The following HEATR1 variants were observed in gnomAD, a reference collection of about 807,000 sequenced individuals.
The protein encoded by HEATR1 is HEAT repeat-containing protein 1.
In HEATR1, 77 loss-of-function variants were observed where a neutral mutation model predicts 248.2. The ratio of observed to expected loss-of-function variants is 0.31; its 90% CI spans 0.26 to 0.37. The LOEUF is 0.37. HEATR1 is among the 10% of genes least tolerant of loss of function. The probability of loss-of-function intolerance (pLI) is 1.00; values close to 1 mark genes in which losing one functional copy is unlikely to be tolerated. For missense variants in HEATR1, 2,420 were observed against 2,504.9 expected (o/e 0.97, Z 0.72); for synonymous variants, 897 against 923.1 (o/e 0.97, Z 0.51).
At chr1:236,599,804 C>T (rs965300251) in intron 3 of HEATR1, among the ~76,000 whole-genome samples, 180 bp from the exon 4 acceptor site, 3 of 152,188 alleles carry the variant, frequency 2.0e-5, no homozygotes, top group Non-Finnish European at 2.9e-5. Flanking sequence ...ATTCACATAT[C>T]CCTCAACATG....
chr1:236,602,186 A>G (rs1320123230), intron 3 of HEATR1, among the ~76,000 whole-genome samples: 1 of 152,190 alleles, frequency 6.6e-6, no homozygotes, highest in Admixed American at 6.5e-5. Context: ...AAAAATGTGT[A>G]TGCTGTGATG....
chr1:236,573,977 C>T lies in HEATR1; in HGVS notation c.3459+225G>A, dbSNP rs1412461678. 8.6e-6 allele frequency: 3 copies of T among 349,436 alleles called. No homozygotes were observed. In the East Asian group the frequency reaches 1.6e-4, roughly 18 times the overall value. The allele number at this position is 349,436 out of a possible 1,614,324, so 21.6% of individuals were successfully genotyped here. A position where few individuals can be genotyped will look rare whatever the true frequency, so the allele number is the denominator to read the frequency against. ...CACACACACACATATTCCTACACAT[C>T]CTATCTGGTTAAAATTATCAACAAA... On this transcript the variant is annotated intron_variant, in intron 24 of 44. Coordinates refer to ENST00000366582, the MANE Select transcript of HEATR1 (RefSeq NM_018072.6).
At chr1:236,594,262 C>T (rs1558191670) in intron 8 of HEATR1, 148 bp from the exon 9 acceptor site, 2 of 537,338 alleles carry the variant, frequency 3.7e-6, no homozygotes, top group Non-Finnish European at 6.5e-6. Context: ...GTGCATTCCA[C>T]TTATTTAGTC....
chr1:236,582,271 A>AC (rs1553283997), intron 19 of HEATR1, among the ~76,000 whole-genome samples: 2 of 151,188 alleles, frequency 1.3e-5, no homozygotes, highest in Admixed American at 6.6e-5. Context: ...CACCCGGCTA[A>AC]TTTTTTTTGT....
At position 236,586,327 on chromosome 1, in the gene HEATR1, G is replaced by A. The variant is rs141140258; in HGVS notation, c.1841C>T (p.Thr614Met). 284 of 1,613,038 alleles carry A rather than the reference G, an allele frequency of 1.8e-4. No homozygotes were observed. Among genetic ancestry groups the A allele is most frequent in the Middle Eastern group, 5.0e-4 (3 of 6,038 alleles). Residue 614 changes from threonine to methionine, a missense_variant, in exon 15 of 45, where the codon ACG (threonine) becomes ATG (methionine). Transcript: ENST00000366582. ...AGCAATTTTCATCTCAGCAGATTCC[G>A]TATCATCATTATTGATAACCATAAA... ...LPFMVINNDD[T>M]ESAEMKIAIY...
intron 6 of HEATR1, among the ~76,000 whole-genome samples, chr1:236,596,295 C>G (rs191388319): frequency 3.5e-4 from 53 of 152,298 alleles, no homozygotes; most frequent in Non-Finnish European, 1.5e-5. Context: ...CATGTCCTGA[C>G]AGGAGCCAGT....
chr1:236,592,034 G>A lies in HEATR1; in HGVS notation c.1381C>T (p.His461Tyr), dbSNP rs746047994. 3.1e-6 allele frequency: 5 copies of A among 1,606,974 alleles called. No individual in the cohort carries two copies. In the East Asian group the frequency reaches 1.1e-4, roughly 36 times the overall value. ...IADLKKQELF[H>Y]QFVSLSTSGG... Reference sequence around the variant, plus strand: ...CTTGTAGAAAGAGAAACAAACTGATGGAAAAGCTCTTGTTTTTTCAGATCT... The same window carrying A: ...CTTGTAGAAAGAGAAACAAACTGATAGAAAAGCTCTTGTTTTTTCAGATCT... The change falls in exon 11 of 45, where the codon CAT becomes TAT. Residue 461 changes from histidine to tyrosine, a missense_variant. Transcript: ENST00000366582.
intron 6 of HEATR1, among the ~76,000 whole-genome samples, chr1:236,596,521 G>A (rs1664180639): frequency 1.3e-5 from 2 of 152,168 alleles, no homozygotes; most frequent in Non-Finnish European, 2.9e-5. Context: ...AGAATACTGA[G>A]AGGTTGCTTA....
At chr1:236,576,117 G>A (rs1410621482) in intron 22 of HEATR1, 102 bp downstream of exon 22, 8 of 832,010 alleles carry the variant, frequency 9.6e-6, no homozygotes, top group Middle Eastern at 2.4e-4. Context: ...TCTTCTGAGC[G>A]CACACATGCA....
intron 43 of HEATR1, 134 bp downstream of exon 43, chr1:236,553,447 C>G: frequency 4.3e-6 from 4 of 925,404 alleles, no homozygotes; most frequent in Non-Finnish European, 3.2e-6. Context: ...GACCGGACCT[C>G]TAGTACTGGA....
Position 236,562,039 on chromosome 1 carries a change from T to C in HEATR1, c.4600-768A>G, listed in dbSNP as rs1384603889. Among the ~76,000 whole-genome samples, 4 of 152,190 alleles carry C rather than the reference T, an allele frequency of 2.6e-5. No homozygotes were observed. The East Asian group carries it at 7.7e-4, about 29-fold the overall frequency. ...GGATCCTGCCAATTGCTTTCTAAAG[T>C]GGTTGGAACAATCACACTGTCTGCC... On this transcript the variant is annotated intron_variant, in intron 32 of 44. Transcript: ENST00000366582.
Position 236,597,934 on chromosome 1 carries a change from A to G in HEATR1, c.547T>C (p.Tyr183His). The change falls in exon 5 of 45, where the codon TAC (tyrosine) becomes CAC (histidine). Residue 183 changes from tyrosine (Y) to histidine (H), a missense_variant. Coordinates refer to ENST00000366582, the MANE Select transcript of HEATR1 (RefSeq NM_018072.6). ...AAATCCATGAATCCAAGATCTTTGT[A>G]GCAGTGGGTAATCAAAGTTCCTTTA... ...LAKGTLITHC[Y>H]KDLGFMDFIC... 1 of 1,613,876 alleles carries G rather than the reference A, an allele frequency of 6.2e-7. No homozygotes were observed. Among genetic ancestry groups the G allele is most frequent in the Middle Eastern group, 1.7e-4 (1 of 6,060 alleles).
Position 236,585,139 on chromosome 1 carries a change from A to G in HEATR1, c.2127T>C (p.Ser709=). The part of the protein sequence containing the change: ...KQKVTFHVIL[S]VLVSCCSSLK... The stretch of plus-strand genomic sequence containing the variant: ...AAGATGAACAACAAGAGACGAGCAC[A>G]GACAGGATCACATGAAACGTTACTT... Residue 709 remains serine (S), a synonymous_variant, in exon 17 of 45, where the codon TCT becomes TCC. Coordinates refer to ENST00000366582, the MANE Select transcript of HEATR1 (RefSeq NM_018072.6). The G allele has an allele frequency of 1.2e-6, 2 of 1,614,134 alleles. No individual in the cohort carries two copies. The highest frequency in any genetic ancestry group is 1.7e-6 in the Non-Finnish European group (2 of 1,179,964).
At chr1:236,557,081 C>T in intron 37 of HEATR1, 114 bp downstream of exon 37, 1 of 1,068,240 alleles carries the variant, frequency 9.4e-7, no homozygotes, top group Non-Finnish European at 1.3e-6. Flanking sequence ...AGAAATAAGA[C>T]TCCTTTCTGT....
chr1:236,563,451 T>C (rs1441669991), intron 32 of HEATR1, among the ~76,000 whole-genome samples: 1 of 151,922 alleles, frequency 6.6e-6, no homozygotes. Context: ...CCGGCTAATT[T>C]TTTGTATTTT....
At chr1:236,573,725 G>T (rs975144162) in intron 24 of HEATR1, among the ~76,000 whole-genome samples, 2 of 152,008 alleles carry the variant, frequency 1.3e-5, no homozygotes, top group Admixed American at 6.6e-5. Flanking sequence ...CTAGAACTTT[G>T]TATTATTCTA....
At chr1:236,552,920 AAT>A (rs1217997212) in intron 43 of HEATR1, 1 of 152,248 alleles carries the variant, frequency 6.6e-6, no homozygotes, top group African/African-American at 2.4e-5. Flanking sequence ...GGTTCATCAT[AAT>A]AGTCTCATTG....
chr1:236,595,056 G>A (rs572125609), intron 8 of HEATR1, among the ~76,000 whole-genome samples: 5 of 122,702 alleles, frequency 4.1e-5, no homozygotes, highest in Admixed American at 3.5e-4. Flanking sequence ...GAGCCACCTG[G>A]CCCTCTAATT....
At chr1:236,583,562 C>T (rs1231571623) in intron 17 of HEATR1, among the ~76,000 whole-genome samples, 1 of 149,288 alleles carries the variant, frequency 6.7e-6, no homozygotes, top group Admixed American at 6.7e-5. Flanking sequence ...TCTCAGCTCA[C>T]TGCAACCTCC....
Sources: allele counts gnomAD v4.1 joint callset (sites outside exome capture counted in the v4.1 genomes callset), GRCh38; gene constraint gnomAD v4.1.1; transcripts MANE v1.5; gene names NCBI Gene and HGNC (gene_info 2026-07-23, HGNC 2026-07-21).